Variants in WWOX observed in about 807,000 individuals in gnomAD.
The protein encoded by WWOX is WW domain containing oxidoreductase, also known as WW domain-containing oxidoreductase.
In WWOX, 69 loss-of-function variants were observed where a neutral mutation model predicts 46.2. That is an observed-to-expected ratio of 1.49 (90% CI 1.23 to 1.82). WWOX has a LOEUF of 1.82. Ranked by LOEUF, WWOX falls within the 40% of genes most tolerant of loss-of-function variation. The pLI is 0.00. For missense variants in WWOX, 919 were observed against 542.6 expected (o/e 1.69, Z -6.89); for synonymous variants, 359 against 202.6 (o/e 1.77, Z -6.56).
chr16:78,887,416 C>T (rs2044488283), intron 8 of WWOX, among the ~76,000 whole-genome samples: 2 of 150,686 alleles, frequency 1.3e-5, no homozygotes, highest in Non-Finnish European at 2.9e-5. Flanking sequence ...TTGATATTTA[C>T]ACAAATTATG....
At chr16:79,122,508 TTCCC>T (rs1480094722) in intron 8 of WWOX, among the ~76,000 whole-genome samples, 2 of 152,036 alleles carry the variant, frequency 1.3e-5, no homozygotes, top group Non-Finnish European at 2.9e-5. Flanking sequence ...TTCTTTTTCC[TTCCC>T]TTCCTTCCTT....
chr16:78,581,605 T>G (rs1315437434), intron 8 of WWOX, among the ~76,000 whole-genome samples: 1 of 152,156 alleles, frequency 6.6e-6, no homozygotes, highest in Non-Finnish European at 1.5e-5. Context: ...GTAAATGCAC[T>G]GAAACATGGA....
At chr16:78,878,461 ATT>A (rs2044276978) in intron 8 of WWOX, among the ~76,000 whole-genome samples, 1 of 152,154 alleles carries the variant, frequency 6.6e-6, no homozygotes, top group African/African-American at 2.4e-5. Context: ...AATCAAAACT[ATT>A]TTATAGGGCT....
chr16:79,001,098 A>G (rs558860676), intron 8 of WWOX, among the ~76,000 whole-genome samples: 58 of 152,332 alleles, frequency 3.8e-4, no homozygotes, highest in African/African-American at 1.2e-3. Flanking sequence ...GCAAGGTACT[A>G]TGAACTTTAA....
chr16:78,253,226 A>G (rs2038033174), intron 5 of WWOX, among the ~76,000 whole-genome samples: 1 of 152,202 alleles, frequency 6.6e-6, no homozygotes, highest in African/African-American at 2.4e-5. Context: ...TCCTGCTTCT[A>G]AAGTTATAAG....
chr16:78,781,489 G>T (rs1199563154), intron 8 of WWOX, among the ~76,000 whole-genome samples: 1 of 152,124 alleles, frequency 6.6e-6, no homozygotes, highest in African/African-American at 2.4e-5. Flanking sequence ...TTATCAGCTG[G>T]CATTACTAGG....
At chr16:78,991,145 A>T (rs1329220176) in intron 8 of WWOX, among the ~76,000 whole-genome samples, 2 of 152,246 alleles carry the variant, frequency 1.3e-5, no homozygotes, top group African/African-American at 4.8e-5. Flanking sequence ...TAAGTCATTG[A>T]TGGCACATTC....
chr16:78,420,217 A>T (rs756995096), intron 6 of WWOX, among the ~76,000 whole-genome samples: 5 of 152,150 alleles, frequency 3.3e-5, no homozygotes, highest in Non-Finnish European at 5.9e-5. Context: ...CCATTATTCA[A>T]AAAGTTAAAC....
intron 8 of WWOX, among the ~76,000 whole-genome samples, chr16:78,744,987 G>C (rs1053924753): frequency 6.6e-6 from 1 of 152,064 alleles, no homozygotes; most frequent in African/African-American, 2.4e-5. Context: ...ATGACTCCTG[G>C]CTTCCCCAGT....
chr16:78,874,684 CTTTTTTTTTT>C (rs552696627), intron 8 of WWOX, among the ~76,000 whole-genome samples: 1 of 83,494 alleles, frequency 1.2e-5, no homozygotes, highest in Non-Finnish European at 2.2e-5. Flanking sequence ...AGATTTTTTT[CTTTTTTTTTT>C]TTTTTTTTTT....
chr16:78,374,937 C>T (rs552867003), intron 5 of WWOX, among the ~76,000 whole-genome samples: 29 of 152,192 alleles, frequency 1.9e-4, no homozygotes, highest in African/African-American at 6.5e-4. Flanking sequence ...CTGCCTACCT[C>T]GGCCTCCCAA....
intron 5 of WWOX, among the ~76,000 whole-genome samples, chr16:78,227,843 T>C (rs2037116853): frequency 6.6e-6 from 1 of 152,064 alleles, no homozygotes; most frequent in African/African-American, 2.4e-5. Flanking sequence ...GTCAGTGCAC[T>C]CCAGCCTGGG....
chr16:78,790,379 C>T (rs1054409307), intron 8 of WWOX, among the ~76,000 whole-genome samples: 1 of 152,102 alleles, frequency 6.6e-6, no homozygotes, highest in African/African-American at 2.4e-5. Context: ...AAGTGATTTG[C>T]CCGCCCCAGC....
chr16:79,161,451 T>G (rs573856135), intron 8 of WWOX, among the ~76,000 whole-genome samples: 3 of 151,298 alleles, frequency 2.0e-5, no homozygotes, highest in South Asian at 2.1e-4. Flanking sequence ...AGAGGAGGAG[T>G]AGGGGAGAGA....
At chr16:78,625,260 C>T (rs1017795840) in intron 8 of WWOX, among the ~76,000 whole-genome samples, 1 of 152,168 alleles carries the variant, frequency 6.6e-6, no homozygotes, top group East Asian at 1.9e-4. Flanking sequence ...CACTCTTTAG[C>T]CTCAGTCCCT....
At chr16:78,840,999 G>A (rs945479155) in intron 8 of WWOX, among the ~76,000 whole-genome samples, 2 of 152,016 alleles carry the variant, frequency 1.3e-5, no homozygotes, top group Admixed American at 6.6e-5. Context: ...TAGCAGGTGG[G>A]GTCCACGGGT....
intron 8 of WWOX, among the ~76,000 whole-genome samples, chr16:78,743,147 A>G (rs1440659716): frequency 6.6e-6 from 1 of 152,098 alleles, no homozygotes; most frequent in Non-Finnish European, 1.5e-5. Flanking sequence ...TGTGTGCTGC[A>G]GCCGTTATTG....
At chr16:78,864,498 G>C (rs572165406) in intron 8 of WWOX, among the ~76,000 whole-genome samples, 1 of 152,070 alleles carries the variant, frequency 6.6e-6, no homozygotes, top group South Asian at 2.1e-4. Context: ...TACACTCCTG[G>C]GATCAGGAGA....
chr16:78,768,130 A>G (rs1274859854), intron 8 of WWOX, among the ~76,000 whole-genome samples: 2 of 144,400 alleles, frequency 1.4e-5, no homozygotes, highest in African/African-American at 5.1e-5. Flanking sequence ...TTGGCTTTGG[A>G]TTTTGTCCCT....
Sources: allele counts gnomAD v4.1 joint callset (sites outside exome capture counted in the v4.1 genomes callset), GRCh38; gene constraint gnomAD v4.1.1; transcripts MANE v1.5; gene names NCBI Gene and HGNC (gene_info 2026-07-23, HGNC 2026-07-21).